Variants in ELP4 observed in about 807,000 individuals in gnomAD.
ELP4 encodes elongator acetyltransferase complex subunit 4.
ELP4 carries 51 observed loss-of-function variants against 48.9 expected under a neutral mutation model. The observed-to-expected ratio is 1.04, with a 90% CI of 0.83 to 1.32. ELP4 has a LOEUF of 1.32. Among genes scored for constraint, ELP4 ranks in the 40% most tolerant of loss-of-function variants. ELP4 has a pLI of 0.00. For missense variants in ELP4, 519 were observed against 514.6 expected (o/e 1.01, Z -0.08); for synonymous variants, 210 against 189.2 (o/e 1.11, Z -0.90).
chr11:31,584,676 C>T (rs193049236), intron 3 of ELP4, among the ~76,000 whole-genome samples: 93 of 152,090 alleles, frequency 6.1e-4, no homozygotes, highest in African/African-American at 2.1e-3. Flanking sequence ...TACACGCACC[C>T]GCCATTTTTT....
At chr11:31,550,746 G>T (rs1246397255) in intron 3 of ELP4, among the ~76,000 whole-genome samples, 8 of 152,278 alleles carry the variant, frequency 5.3e-5, no homozygotes, top group Non-Finnish European at 1.2e-4. Flanking sequence ...CCTCACTGAT[G>T]AAGATTTCCC....
chr11:31,645,745 G>C (rs183389527), intron 7 of ELP4: 1 of 151,754 alleles, frequency 6.6e-6, no homozygotes, highest in African/African-American at 2.4e-5. Flanking sequence ...ACTCTTCCCA[G>C]TTGAGTTTAT....
intron 3 of ELP4, among the ~76,000 whole-genome samples, chr11:31,579,071 A>G (rs1957338553): frequency 6.6e-6 from 1 of 152,246 alleles, no homozygotes; most frequent in Non-Finnish European, 1.5e-5. Context: ...AGAATCTACA[A>G]AGAGCTTAAA....
intron 3 of ELP4, among the ~76,000 whole-genome samples, chr11:31,560,126 G>A (rs898668666): frequency 1.2e-4 from 19 of 152,068 alleles, no homozygotes; most frequent in Non-Finnish European, 2.9e-5. Context: ...TTGTTCAAAT[G>A]TTGTGTGTTC....
chr11:31,563,140 G>T (rs1012721327), intron 3 of ELP4, among the ~76,000 whole-genome samples: 1 of 152,084 alleles, frequency 6.6e-6, no homozygotes, highest in African/African-American at 2.4e-5. Flanking sequence ...AACCTGGAAG[G>T]ATCAAAAGAT....
intron 3 of ELP4, among the ~76,000 whole-genome samples, chr11:31,587,287 T>C (rs1008676165): frequency 6.6e-6 from 1 of 152,142 alleles, no homozygotes; most frequent in Non-Finnish European, 1.5e-5. Context: ...CAACCTAAAC[T>C]AAGTAACTCT....
intron 9 of ELP4, 30 bp downstream of exon 9, chr11:31,650,251 A>T: frequency 1.4e-6 from 1 of 716,152 alleles, no homozygotes; most frequent in South Asian, 1.9e-5. Context: ...TTAGTTTACA[A>T]TCTTGAGATA....
intron 9 of ELP4, among the ~76,000 whole-genome samples, chr11:31,682,513 T>C (rs1444254407): frequency 6.6e-6 from 1 of 152,208 alleles, no homozygotes; most frequent in Non-Finnish European, 1.5e-5. Flanking sequence ...ATTGACCTTT[T>C]TTTTGTATTT....
chr11:31,757,873 A>G (rs1479055902), intron 9 of ELP4, among the ~76,000 whole-genome samples: 2 of 152,200 alleles, frequency 1.3e-5, no homozygotes, highest in African/African-American at 4.8e-5. Flanking sequence ...TGTGTGCTCA[A>G]TACATCATTT....
At chr11:31,756,096 G>C (rs1421432066) in intron 9 of ELP4, among the ~76,000 whole-genome samples, 1 of 152,164 alleles carries the variant, frequency 6.6e-6, no homozygotes, top group Non-Finnish European at 1.5e-5. Flanking sequence ...AAGTAACAAA[G>C]CCTCTGGCTT....
chr11:31,615,605 T>C (rs887243707), intron 5 of ELP4, among the ~76,000 whole-genome samples: 12 of 152,096 alleles, frequency 7.9e-5, no homozygotes, highest in Non-Finnish European at 1.5e-4. Flanking sequence ...AGCTTTTTTT[T>C]TTCCCCTATC....
rs1956562059 is a variant in ELP4 at position 31,539,665 on chromosome 11, A to G, written c.263A>G (p.Glu88Gly). ...CTGCAACTTTTCCTTTTTACAGAGG[A>G]GGATAAATATAATATTTACTCACCT... The part of the protein sequence containing the change: ...LAVGTVLLIE[E>G]DKYNIYSPLL... Residue 88 changes from glutamate (E) to glycine (G), a missense_variant, in exon 3 of 10, where the codon GAG becomes GGG. Physicochemically the swap from Glu to Gly is moderately conservative, Grantham distance 98 (BLOSUM62 -2). Transcript: ENST00000640961. 2 of 1,600,256 alleles carry G rather than the reference A, an allele frequency of 1.2e-6. No individual in the cohort carries two copies. The highest frequency in any genetic ancestry group is 1.7e-6 in the Non-Finnish European group (2 of 1,174,376).
chr11:31,677,028 A>G (rs549958045), intron 9 of ELP4, among the ~76,000 whole-genome samples: 6 of 152,350 alleles, frequency 3.9e-5, no homozygotes, highest in African/African-American at 1.4e-4. Flanking sequence ...ATGCTGTAAT[A>G]TATTTTCATC....
chr11:31,657,742 C>T (rs1472634655), intron 9 of ELP4, among the ~76,000 whole-genome samples: 1 of 151,754 alleles, frequency 6.6e-6, no homozygotes, highest in African/African-American at 2.4e-5. Context: ...ACCTTCCTTC[C>T]CAAAGTCATA....
At chr11:31,582,845 C>G (rs1957412033) in intron 3 of ELP4, among the ~76,000 whole-genome samples, 1 of 152,008 alleles carries the variant, frequency 6.6e-6, no homozygotes. Flanking sequence ...TTAAAGGATG[C>G]CTTCTGCCCT....
At position 31,789,490 on chromosome 11, in the gene ELP4, A is replaced by G. The variant is rs568060956; in HGVS notation, c.*5966A>G. The G allele has an allele frequency of 7.1e-6, 4 of 561,472 alleles. No homozygotes were observed. In the African/African-American group the frequency reaches 7.6e-5, roughly 11 times the overall value. The allele number at this position is 561,472 out of a possible 1,614,324, so 34.8% of individuals were successfully genotyped here. A position where few individuals can be genotyped will look rare whatever the true frequency, so the allele number is the denominator to read the frequency against. ...ACAAACTTGGAACATCAGTCCATAA[A>G]CTATGAACAGATGGGTAGAAGTATT... On this transcript the variant is annotated 3_prime_UTR_variant, in exon 10 of 10. Transcript: ENST00000640961.
At chr11:31,756,848 A>G (rs1037876208) in intron 9 of ELP4, among the ~76,000 whole-genome samples, 2 of 152,244 alleles carry the variant, frequency 1.3e-5, no homozygotes, top group Non-Finnish European at 1.5e-5. Flanking sequence ...TAGATGAAAC[A>G]TAAATATCCA....
intron 9 of ELP4, among the ~76,000 whole-genome samples, chr11:31,692,983 C>T (rs576513375): frequency 2.0e-5 from 3 of 152,118 alleles, no homozygotes; most frequent in South Asian, 2.1e-4. Context: ...TACTCAATTC[C>T]GTAAATAGAG....
In ELP4 at chr11:31,632,246, A is replaced by G. The variant is rs1280066908; in HGVS notation, c.768A>G (p.Gly256=). ...AACAGAGAAACATTTTAAGAATAGG[A>G]ATTCAGAATCTTGGCTCACCTTTAT... The part of the protein sequence containing the change: ...QKKQRNILRI[G]IQNLGSPLWG... The change falls in exon 7 of 10, where the codon GGA becomes GGG. Residue 256 remains glycine (G), a synonymous_variant. Coordinates refer to ENST00000640961, the MANE Select transcript of ELP4 (RefSeq NM_019040.5). 2.5e-6 allele frequency: 4 copies of G among 1,603,790 alleles called. No individual in the cohort carries two copies. The highest frequency in any genetic ancestry group is 2.2e-5 in the East Asian group (1 of 44,744).
Sources: gnomAD v4.1 joint callset for allele counts (sites outside exome capture counted in the v4.1 genomes callset) on GRCh38, gnomAD v4.1.1 for gene constraint, MANE v1.5 for transcripts, NCBI Gene and HGNC (gene_info 2026-07-23, HGNC 2026-07-21) for gene names.